Variants in NKAIN2 observed in about 807,000 individuals in gnomAD.
NKAIN2 encodes sodium/potassium-transporting ATPase subunit beta-1-interacting protein 2.
In NKAIN2, 14 loss-of-function variants were observed where a neutral mutation model predicts 32.6. That is an observed-to-expected ratio of 0.43 (90% confidence interval 0.28 to 0.67). The LOEUF (loss-of-function observed/expected upper bound fraction) is 0.67. NKAIN2 is among the 30% of genes least tolerant of loss of function. NKAIN2 has a pLI of 0.17. For missense variants in NKAIN2, 198 were observed against 258.3 expected (o/e 0.77, Z 1.60); for synonymous variants, 80 against 87.2 (o/e 0.92, Z 0.46).
rs143221411 is a variant in NKAIN2 at position 123,895,063 on chromosome 6, C to CT, written c.54+90819dup. Among the ~76,000 whole-genome samples, 115 of 146,792 alleles carry CT rather than the reference C, an allele frequency of 7.8e-4. 1 individual carries two copies. The highest frequency in any genetic ancestry group is 1.3e-3 in the South Asian group (6 of 4,580). ...CAGTTCCTTCTCCTCCCCTACACCC[C>CT]TTTTTTTTTTGCCCTTTCCTGCCCC... is the stretch of plus-strand genomic sequence containing the variant. On this transcript the variant is annotated intron_variant, in intron 1 of 6. Coordinates refer to ENST00000368417, the MANE Select transcript of NKAIN2 (RefSeq NM_001040214.3).
At chr6:124,540,508 T>C (rs761142286) in intron 3 of NKAIN2, among the ~76,000 whole-genome samples, 19 of 152,214 alleles carry the variant, frequency 1.2e-4, no homozygotes, top group Non-Finnish European at 2.2e-4. Context: ...CCAGGATGGT[T>C]GAGAACAAAA....
Position 124,769,028 on chromosome 6 carries a change from G to A in NKAIN2, c.475-22311G>A, listed in dbSNP as rs186170481. ...CAGAATGAACAATCTATAGTCACAT[G>A]TTGTTTCTTTCTTTAAGCCACAGTT... On this transcript the variant is annotated intron_variant, in intron 4 of 6. Transcript: ENST00000368417. Among the ~76,000 whole-genome samples the A allele has an allele frequency of 1.0e-3, 154 of 152,240 alleles. 2 individuals are homozygous for A. Among genetic ancestry groups the A allele is most frequent in the Non-Finnish European group, 2.1e-4 (14 of 67,982 alleles).
intron 1 of NKAIN2, among the ~76,000 whole-genome samples, chr6:123,895,816 A>G (rs1466670486): frequency 1.3e-5 from 2 of 152,238 alleles, no homozygotes; most frequent in Non-Finnish European, 2.9e-5. Flanking sequence ...TATGTTAGCT[A>G]TAAGAGAACA....
intron 3 of NKAIN2, among the ~76,000 whole-genome samples, chr6:124,457,044 A>T (rs1012466152): frequency 5.9e-5 from 9 of 151,852 alleles, no homozygotes; most frequent in Admixed American, 4.0e-4. Flanking sequence ...ATTTTTATTT[A>T]CAATTCTGGA....
chr6:124,044,600 T>G (rs909383116), intron 1 of NKAIN2, among the ~76,000 whole-genome samples: 1 of 152,070 alleles, frequency 6.6e-6, no homozygotes, highest in Non-Finnish European at 1.5e-5. Flanking sequence ...TAGACTGTTG[T>G]GATTCAATGT....
intron 1 of NKAIN2, among the ~76,000 whole-genome samples, chr6:123,921,163 A>G (rs1775734084): frequency 6.6e-6 from 1 of 152,212 alleles, no homozygotes; most frequent in Non-Finnish European, 1.5e-5. Context: ...AATCTTAAAG[A>G]GGAAATCACA....
chr6:124,174,738 A>G (rs1039795207), intron 1 of NKAIN2, among the ~76,000 whole-genome samples: 9 of 152,200 alleles, frequency 5.9e-5, no homozygotes, highest in African/African-American at 2.2e-4. Context: ...ATTGGCCAGA[A>G]TGTAGTCATA....
At chr6:124,178,586 C>G (rs1305813134) in intron 1 of NKAIN2, among the ~76,000 whole-genome samples, 1 of 152,184 alleles carries the variant, frequency 6.6e-6, no homozygotes, top group Non-Finnish European at 1.5e-5. Context: ...CATGAGCCAC[C>G]ACACCTGGCC....
intron 3 of NKAIN2, among the ~76,000 whole-genome samples, chr6:124,491,317 A>G (rs1346752773): frequency 6.6e-6 from 1 of 151,890 alleles, no homozygotes; most frequent in Non-Finnish European, 1.5e-5. Flanking sequence ...TGCTCTCTTT[A>G]ATCTCTAAGT....
chr6:124,378,971 G>A (rs373211639), intron 3 of NKAIN2, among the ~76,000 whole-genome samples: 108 of 148,886 alleles, frequency 7.3e-4, no homozygotes, highest in African/African-American at 2.6e-3. Context: ...GCAAACCTCT[G>A]GTACCAGCTA....
At chr6:123,824,532 T>C (rs1283162993) in intron 1 of NKAIN2, among the ~76,000 whole-genome samples, 1 of 151,958 alleles carries the variant, frequency 6.6e-6, no homozygotes, top group Non-Finnish European at 1.5e-5. Flanking sequence ...TCACTTGCCT[T>C]TGAGGGCCTT....
chr6:124,678,213 G>A (rs1023414529), intron 4 of NKAIN2, among the ~76,000 whole-genome samples: 1 of 151,926 alleles, frequency 6.6e-6, no homozygotes, highest in African/African-American at 2.4e-5. Flanking sequence ...AATTGTAGTT[G>A]GAACTACAGC....
At chr6:124,505,826 C>T (rs1778453764) in intron 3 of NKAIN2, among the ~76,000 whole-genome samples, 1 of 152,028 alleles carries the variant, frequency 6.6e-6, no homozygotes, top group Non-Finnish European at 1.5e-5. Flanking sequence ...TGAGTGCCTG[C>T]CCCCAACAGG....
At chr6:124,301,012 A>T (rs2114975260) in intron 2 of NKAIN2, among the ~76,000 whole-genome samples, 1 of 152,344 alleles carries the variant, frequency 6.6e-6, no homozygotes, top group South Asian at 2.1e-4. Context: ...GACAAAGCAG[A>T]AAATGTCTCC....
chr6:124,810,031 G>A (rs1440190443), intron 5 of NKAIN2, among the ~76,000 whole-genome samples: 1 of 152,142 alleles, frequency 6.6e-6, no homozygotes, highest in Non-Finnish European at 1.5e-5. Flanking sequence ...TTACACTGTT[G>A]GTGGGACTGT....
chr6:123,850,442 T>A (rs987018506), intron 1 of NKAIN2, among the ~76,000 whole-genome samples: 11 of 151,840 alleles, frequency 7.2e-5, no homozygotes, highest in African/African-American at 2.7e-4. Flanking sequence ...CCAGTCAATG[T>A]TATCAACAAA....
At chr6:124,015,947 C>T (rs1405637707) in intron 1 of NKAIN2, among the ~76,000 whole-genome samples, 1 of 152,164 alleles carries the variant, frequency 6.6e-6, no homozygotes, top group Non-Finnish European at 1.5e-5. Flanking sequence ...CACTCTCCCA[C>T]ATGTACAGTC....
chr6:124,357,930 C>T (rs1321015313), intron 3 of NKAIN2, among the ~76,000 whole-genome samples: 3 of 151,586 alleles, frequency 2.0e-5, no homozygotes, highest in Non-Finnish European at 2.9e-5. Flanking sequence ...TCCCCCAACC[C>T]GCACGCCACA....
intron 3 of NKAIN2, among the ~76,000 whole-genome samples, chr6:124,443,124 A>C (rs1281037640): frequency 6.6e-6 from 1 of 152,040 alleles, no homozygotes; most frequent in Non-Finnish European, 1.5e-5. Context: ...GAAGTGTTTC[A>C]TGATGTCAGA....
Sources: allele counts gnomAD v4.1 joint callset (sites outside exome capture counted in the v4.1 genomes callset), GRCh38; gene constraint gnomAD v4.1.1; transcripts MANE v1.5; gene names NCBI Gene and HGNC (gene_info 2026-07-23, HGNC 2026-07-21).